PLCB4: variants seen among roughly 807,000 people sequenced by gnomAD.
PLCB4 encodes the protein 1-phosphatidylinositol 4,5-bisphosphate phosphodiesterase beta-4.
A neutral mutation model predicts 178.8 loss-of-function variants in PLCB4; 77 were observed. That is an observed-to-expected ratio of 0.43 (90% CI 0.36 to 0.52). PLCB4 has a LOEUF of 0.52. PLCB4 is among the 20% of genes least tolerant of loss of function. The pLI, the probability that PLCB4 is intolerant of heterozygous loss-of-function variation, is 0.00. For missense variants in PLCB4, 1,024 were observed against 1,453.4 expected (o/e 0.70, Z 4.80); for synonymous variants, 496 against 490.8 (o/e 1.01, Z -0.14).
At chr20:9,208,292 G>A (rs6086806) in intron 2 of PLCB4, among the ~76,000 whole-genome samples, 61,457 of 151,894 alleles carry the variant, frequency 0.4, 12,487 homozygotes, top group South Asian at 0.49. Context: ...AACCATTTCT[G>A]TCTCATAGAG....
chr20:9,087,717 G>T (rs1474881504), intron 1 of PLCB4, among the ~76,000 whole-genome samples: 1 of 152,210 alleles, frequency 6.6e-6, no homozygotes. Flanking sequence ...GCTATTGCAC[G>T]TAGCAGGTGC....
intron 1 of PLCB4, among the ~76,000 whole-genome samples, chr20:9,094,917 G>A (rs765494467): frequency 1.3e-5 from 2 of 152,198 alleles, no homozygotes; most frequent in Non-Finnish European, 2.9e-5. Context: ...TCAGAAAATA[G>A]AACAGGCAGC....
intron 2 of PLCB4, among the ~76,000 whole-genome samples, chr20:9,121,300 T>G (rs61345068): frequency 0.012 from 1,890 of 152,268 alleles, 33 homozygotes; most frequent in African/African-American, 0.043. Context: ...TTTTTTTGTT[T>G]AGTAACCATC....
At chr20:9,129,232 T>A (rs1324702874) in intron 2 of PLCB4, among the ~76,000 whole-genome samples, 2 of 152,156 alleles carry the variant, frequency 1.3e-5, no homozygotes, top group Non-Finnish European at 2.9e-5. Flanking sequence ...TGAGGGTGTC[T>A]TCTGACCACC....
intron 7 of PLCB4, among the ~76,000 whole-genome samples, chr20:9,358,548 G>C (rs1443756671): frequency 6.6e-6 from 1 of 152,194 alleles, no homozygotes; most frequent in Non-Finnish European, 1.5e-5. Context: ...ATGAATAATA[G>C]GACTAGTTAT....
At chr20:9,268,574 A>AG in intron 3 of PLCB4, among the ~76,000 whole-genome samples, 1 of 152,298 alleles carries the variant, frequency 6.6e-6, no homozygotes, top group East Asian at 1.9e-4. Context: ...TCAGTTTCAC[A>AG]GGAACCTCGG....
intron 21 of PLCB4, among the ~76,000 whole-genome samples, chr20:9,407,023 A>G (rs1323007205): frequency 2.0e-5 from 3 of 152,200 alleles, no homozygotes; most frequent in Non-Finnish European, 2.9e-5. Flanking sequence ...TGTCCTATGC[A>G]GCAAGTTATT....
chr20:9,219,620 T>G (rs1568970373), intron 3 of PLCB4, among the ~76,000 whole-genome samples: 1 of 152,186 alleles, frequency 6.6e-6, no homozygotes, highest in Non-Finnish European at 1.5e-5. Context: ...ACGCTTGCCT[T>G]TCTTCCAGAG....
intron 3 of PLCB4, among the ~76,000 whole-genome samples, chr20:9,278,889 A>G (rs866657533): frequency 6.6e-6 from 1 of 152,224 alleles, no homozygotes. Context: ...ATAAGTACGC[A>G]TTGAGAAGTT....
At chr20:9,391,419 G>C (rs2038132382) in intron 17 of PLCB4, among the ~76,000 whole-genome samples, 1 of 152,124 alleles carries the variant, frequency 6.6e-6, no homozygotes, top group Admixed American at 6.5e-5. Flanking sequence ...GCTATTGACA[G>C]CAGCACCTGA....
intron 1 of PLCB4, among the ~76,000 whole-genome samples, chr20:9,081,414 T>G (rs2090140947): frequency 6.6e-6 from 1 of 152,198 alleles, no homozygotes; most frequent in Non-Finnish European, 1.5e-5. Context: ...TGTGTTGAAA[T>G]CCAAGAACAT....
rs901739549 is a variant in PLCB4, at chr20:9,104,646, C to T, written c.-79+8304C>T. ...AGAACAGTCCATTTATTAGTTTACC[C>T]TATTCCTTCTTTAGTATACCCTGCG... On this transcript the variant is annotated intron_variant, in intron 2 of 39. Transcript: ENST00000378473. 2.6e-5 allele frequency among the ~76,000 whole-genome samples: 4 copies of T among 152,072 alleles called. No individual in the cohort carries two copies. In the East Asian group the frequency reaches 5.8e-4, roughly 22 times the overall value.
chr20:9,069,815 T>G (rs2089473622), intron 1 of PLCB4, among the ~76,000 whole-genome samples: 1 of 152,222 alleles, frequency 6.6e-6, no homozygotes. Flanking sequence ...AATTTCCAAG[T>G]GTGTTTAAGT....
chr20:9,084,422 T>G (rs2090304216), intron 1 of PLCB4, among the ~76,000 whole-genome samples: 1 of 152,314 alleles, frequency 6.6e-6, no homozygotes, highest in South Asian at 2.1e-4. Flanking sequence ...ATAAAAATGG[T>G]TTTGGCTCTG....
intron 2 of PLCB4, among the ~76,000 whole-genome samples, chr20:9,132,374 C>T (rs1468627424): frequency 6.6e-6 from 1 of 151,920 alleles, no homozygotes; most frequent in Non-Finnish European, 1.5e-5. Context: ...TTTTTATTTC[C>T]ACATAGTTAT....
intron 2 of PLCB4, among the ~76,000 whole-genome samples, chr20:9,166,179 A>AT (rs1347634702): frequency 6.6e-6 from 1 of 152,062 alleles, no homozygotes; most frequent in Non-Finnish European, 1.5e-5. Context: ...TATATCCTGA[A>AT]TTTTTTGTAG....
intron 3 of PLCB4, among the ~76,000 whole-genome samples, chr20:9,245,008 C>A (rs2094109850): frequency 6.6e-6 from 1 of 152,110 alleles, no homozygotes; most frequent in Non-Finnish European, 1.5e-5. Context: ...TGGGCAAGAG[C>A]AGCCTTCTCC....
chr20:9,153,492 TGC>T (rs1293383259), intron 2 of PLCB4, among the ~76,000 whole-genome samples: 1 of 152,194 alleles, frequency 6.6e-6, no homozygotes, highest in Non-Finnish European at 1.5e-5. Context: ...TTTCTCTTGC[TGC>T]TGCCATGTAA....
chr20:9,197,805 G>A (rs1158991035), intron 2 of PLCB4, among the ~76,000 whole-genome samples: 2 of 152,064 alleles, frequency 1.3e-5, no homozygotes, highest in Non-Finnish European at 2.9e-5. Context: ...GTGAAACCCC[G>A]TTTCTACTAA....
Sources: allele counts gnomAD v4.1 joint callset (sites outside exome capture counted in the v4.1 genomes callset), GRCh38; gene constraint gnomAD v4.1.1; transcripts MANE v1.5; gene names NCBI Gene and HGNC (gene_info 2026-07-23, HGNC 2026-07-21).